Variants in ZDHHC2 observed in about 807,000 individuals in gnomAD.
ZDHHC2 encodes zDHHC palmitoyltransferase 2.
In ZDHHC2, 51 loss-of-function variants were observed where a neutral mutation model predicts 55.6. The ratio of observed to expected loss-of-function variants is 0.92; its 90% confidence interval spans 0.73 to 1.16. The LOEUF (loss-of-function observed/expected upper bound fraction) is 1.16. ZDHHC2 is among the 50% of genes most tolerant of loss of function. ZDHHC2 has a pLI of 0.00. For synonymous variants in ZDHHC2, 199 were observed against 152.9 expected (o/e 1.30, Z -2.22); for missense variants, 491 against 442.4 (o/e 1.11, Z -0.99).
Position 17,199,585 on chromosome 8 carries a change from C to A in ZDHHC2, c.476+1172C>A, listed in dbSNP as rs1327584134. Among the ~76,000 whole-genome samples, 10 of 66,274 alleles carry A rather than the reference C, an allele frequency of 1.5e-4. 1 individual carries two copies. The highest frequency in any genetic ancestry group is 1.3e-3 in the Admixed American group (9 of 6,670). 43.5% of individuals were successfully genotyped at this position (66,274 alleles called of 152,430 possible). A position where few individuals can be genotyped will look rare whatever the true frequency, so the allele number is the denominator to read the frequency against. On this transcript the variant is annotated intron_variant, in intron 6 of 12. Transcript: ENST00000262096. ...TCTTCTTCGTCTTTGTCTTCTTCTTCTTCTTTCTTCTTCTTTATTCTTTCT... is the reference window on the plus strand; with the variant it reads ...TCTTCTTCGTCTTTGTCTTCTTCTTATTCTTTCTTCTTCTTTATTCTTTCT...
chr8:17,216,838 A>G (rs1807673196), intron 11 of ZDHHC2, among the ~76,000 whole-genome samples: 1 of 152,156 alleles, frequency 6.6e-6, no homozygotes, highest in Admixed American at 6.6e-5. Context: ...TTTGACTAGA[A>G]TGAGGTTGGT....
intron 1 of ZDHHC2, among the ~76,000 whole-genome samples, chr8:17,179,914 T>G (rs1401910651): frequency 1.3e-5 from 2 of 152,208 alleles, no homozygotes; most frequent in South Asian, 4.1e-4. Flanking sequence ...CAAAATATTA[T>G]CATTGTAGGG....
intron 10 of ZDHHC2, among the ~76,000 whole-genome samples, chr8:17,214,476 A>T (rs1337831679): frequency 6.6e-6 from 1 of 152,040 alleles, no homozygotes; most frequent in Non-Finnish European, 1.5e-5. Context: ...TCACATTCAT[A>T]TTTTCTTCCA....
At chr8:17,209,412 G>GGGAATTC (rs2064407079) in intron 8 of ZDHHC2, among the ~76,000 whole-genome samples, 1 of 152,134 alleles carries the variant, frequency 6.6e-6, no homozygotes, top group African/African-American at 2.4e-5. Context: ...GCTTGAGCCT[G>GGGAATTC]GGAATTCGAG....
chr8:17,172,180 T>C (rs962263772), intron 1 of ZDHHC2, among the ~76,000 whole-genome samples: 1 of 152,194 alleles, frequency 6.6e-6, no homozygotes, highest in Non-Finnish European at 1.5e-5. Flanking sequence ...CTACTTTACT[T>C]CTGTAAAATT....
chr8:17,206,122 C>T (rs1425201507), intron 7 of ZDHHC2, among the ~76,000 whole-genome samples: 1 of 152,124 alleles, frequency 6.6e-6, no homozygotes, highest in Admixed American at 6.5e-5. Flanking sequence ...TATTTAGTGC[C>T]ATGCTTTTTT....
intron 1 of ZDHHC2, among the ~76,000 whole-genome samples, chr8:17,182,486 A>C (rs923759750): frequency 6.6e-6 from 1 of 152,220 alleles, no homozygotes; most frequent in Non-Finnish European, 1.5e-5. Context: ...TCTTGGCGAA[A>C]GTGTAATTGG....
At chr8:17,213,450 C>T (rs1298073998) in intron 10 of ZDHHC2, among the ~76,000 whole-genome samples, 1 of 151,968 alleles carries the variant, frequency 6.6e-6, no homozygotes, top group Non-Finnish European at 1.5e-5. Context: ...TGGGGTATCA[C>T]CATATTGGCC....
At chr8:17,191,609 C>G (rs188287646) in intron 3 of ZDHHC2, among the ~76,000 whole-genome samples, 254 of 152,242 alleles carry the variant, frequency 1.7e-3, no homozygotes, top group African/African-American at 5.7e-3. Context: ...ACATAATGAC[C>G]TCGAGTTCCA....
chr8:17,220,947 T>C lies in ZDHHC2; in HGVS notation c.*726T>C, dbSNP rs193117085. 8.9e-4 allele frequency: 136 copies of C among 152,336 alleles called. 1 individual carries two copies. Among genetic ancestry groups the C allele is most frequent in the South Asian group, 7.5e-3 (36 of 4,832 alleles). The allele number at this position is 152,336 out of a possible 1,614,324, so 9.4% of individuals were successfully genotyped here. A position where few individuals can be genotyped will look rare whatever the true frequency, so the allele number is the denominator to read the frequency against. ...GTACATTTCTATTACATCAGAAATA[T>C]ATTTTCATCTCTTCTTGTTAAATTG... On this transcript the variant is annotated 3_prime_UTR_variant, in exon 13 of 13. Transcript: ENST00000262096.
At chr8:17,180,018 T>C (rs1335197643) in intron 1 of ZDHHC2, among the ~76,000 whole-genome samples, 1 of 152,212 alleles carries the variant, frequency 6.6e-6, no homozygotes, top group Non-Finnish European at 1.5e-5. Context: ...AGTGTTCCTA[T>C]TGTGTGTATT....
intron 6 of ZDHHC2, among the ~76,000 whole-genome samples, chr8:17,199,538 TCGTCTTC>T (rs1563161259): frequency 1.9e-5 from 1 of 51,888 alleles, no homozygotes; most frequent in African/African-American, 4.4e-5. Flanking sequence ...TCTTCTGTCT[TCGTCTTC>T]TGTCTTCGTC....
Position 17,164,019 on chromosome 8 carries a change from C to T in ZDHHC2, c.130+7166C>T, listed in dbSNP as rs147500068. On this transcript the variant is annotated intron_variant, in intron 1 of 12. Transcript: ENST00000262096. ...AATCAAATGGCAGTAGTGAAAAGGG[C>T]GAAATTATCAAGGCAGGGGGTAGGA... is the stretch of plus-strand genomic sequence containing the variant. Among the ~76,000 whole-genome samples the T allele has an allele frequency of 6.4e-3, 977 of 152,016 alleles. 31 individuals carry two copies. The highest frequency in any genetic ancestry group is 0.055 in the Admixed American group (842 of 15,264).
chr8:17,182,233 A>G (rs1805466751), intron 1 of ZDHHC2, among the ~76,000 whole-genome samples: 1 of 152,204 alleles, frequency 6.6e-6, no homozygotes, highest in African/African-American at 2.4e-5. Context: ...CAATATATAT[A>G]TAACAGATAT....
At chr8:17,157,112 C>T (rs947695937) in intron 1 of ZDHHC2, among the ~76,000 whole-genome samples, 16 of 151,998 alleles carry the variant, frequency 1.1e-4, no homozygotes, top group African/African-American at 2.9e-4. Context: ...CCGCCGCCTT[C>T]CGCTCACCGC....
chr8:17,198,505 A>C, intron 6 of ZDHHC2, 92 bp downstream of exon 6: 1 of 1,205,208 alleles, frequency 8.3e-7, no homozygotes, highest in Non-Finnish European at 1.1e-6. Context: ...CACACATGAA[A>C]TATTACTTGA....
intron 1 of ZDHHC2, among the ~76,000 whole-genome samples, chr8:17,159,177 CACAG>C (rs1187297967): frequency 6.6e-6 from 1 of 152,170 alleles, no homozygotes; most frequent in Non-Finnish European, 1.5e-5. Context: ...CTTTCCTTTT[CACAG>C]ACAAAGCAAA....
At chr8:17,206,363 T>C (rs1033388586) in intron 7 of ZDHHC2, among the ~76,000 whole-genome samples, 1 of 152,148 alleles carries the variant, frequency 6.6e-6, no homozygotes, top group East Asian at 1.9e-4. Context: ...GAAACACACA[T>C]AAAACAAGGT....
chr8:17,193,414 G>A (rs1319882748), intron 3 of ZDHHC2, among the ~76,000 whole-genome samples: 1 of 152,220 alleles, frequency 6.6e-6, no homozygotes, highest in Non-Finnish European at 1.5e-5. Flanking sequence ...CTGCTGAGCT[G>A]CCGGGAGCTG....
Sources: gnomAD v4.1 joint callset for allele counts (sites outside exome capture counted in the v4.1 genomes callset) on GRCh38, gnomAD v4.1.1 for gene constraint, MANE v1.5 for transcripts, NCBI Gene and HGNC (gene_info 2026-07-23, HGNC 2026-07-21) for gene names.